Variants in ZNF770 observed in about 807,000 individuals in gnomAD.
The protein encoded by ZNF770 is zinc finger protein 770.
ZNF770 carries 13 observed loss-of-function variants against 44.8 expected under a neutral mutation model. The ratio of observed to expected loss-of-function variants is 0.29; its 90% CI spans 0.19 to 0.46. ZNF770 has a LOEUF of 0.46. Ranked by LOEUF, ZNF770 falls within the 20% of genes least tolerant of loss-of-function variation. The pLI, the probability that ZNF770 is intolerant of heterozygous loss-of-function variation, is 1.00. For missense variants in ZNF770, 681 were observed against 797.9 expected, an observed-to-expected ratio of 0.85 and a Z score of 1.77; for synonymous variants, 304 against 271.8, an observed-to-expected ratio of 1.12 and a Z score of -1.17.
intron 2 of ZNF770, among the ~76,000 whole-genome samples, chr15:34,984,329 A>G (rs141270879): frequency 3.3e-5 from 5 of 152,232 alleles, no homozygotes; most frequent in African/African-American, 4.8e-5. Context: ...GCGTTTCTCA[A>G]TAAGAGATAA....
At position 34,980,309 on chromosome 15, in the gene ZNF770, GAA is replaced by G. The variant is rs1207476016; in HGVS notation, c.*1048_*1049del. The G allele has an allele frequency of 6.6e-6, 1 of 152,200 alleles. No individual in the cohort carries two copies. The highest frequency in any genetic ancestry group is 2.1e-4 in the South Asian group (1 of 4,828). 9.4% of individuals were successfully genotyped at this position (152,200 alleles called of 1,614,324 possible). ...AAAAGGTAAAACTCATACGTATTAT[GAA>G]AAAGACTATGGCACTTAGAAAATAT... On this transcript the variant is annotated 3_prime_UTR_variant, in exon 3 of 3. Coordinates refer to ENST00000356321, the MANE Select transcript of ZNF770 (RefSeq NM_014106.4).
At chr15:34,986,770 G>GA (rs1422486219) in intron 2 of ZNF770, among the ~76,000 whole-genome samples, 1 of 152,238 alleles carries the variant, frequency 6.6e-6, no homozygotes, top group Non-Finnish European at 1.5e-5. Context: ...GTCTAGGAGT[G>GA]AAAGAAGCTG....
Position 34,986,970 on chromosome 15 carries a change from AGCTTG to A in ZNF770, c.-57+582_-57+586del, listed in dbSNP as rs531735714. ...CATATCGAGTATGGTGTGGGAGGACAGCTTGGCCCTTGAGGCCAGTCAGGCAAAGC... is the reference window on the plus strand; with the variant it reads ...CATATCGAGTATGGTGTGGGAGGACAGCCCTTGAGGCCAGTCAGGCAAAGC... On this transcript the variant is annotated intron_variant, in intron 2 of 2. Transcript: ENST00000356321. Among the ~76,000 whole-genome samples the A allele has an allele frequency of 5.6e-4, 85 of 152,394 alleles. No individual in the cohort carries two copies. In the Middle Eastern group the frequency reaches 0.01, roughly 18 times the overall value.
rs952810315 is a variant in ZNF770 at position 34,980,195 on chromosome 15, T to G, written c.*1164A>C. Reference sequence around the variant, plus strand: ...TTTACTAAAATAAATGTAAAAGTCTTATGGAGATGAAGATCTCTAGAATAG... The same window carrying G: ...TTTACTAAAATAAATGTAAAAGTCTGATGGAGATGAAGATCTCTAGAATAG... On this transcript the variant is annotated 3_prime_UTR_variant, in exon 3 of 3. Transcript: ENST00000356321. 2 of 152,346 alleles carry G rather than the reference T, an allele frequency of 1.3e-5. No individual in the cohort carries two copies. The allele number at this position is 152,346 out of a possible 1,614,324, so 9.4% of individuals were successfully genotyped here.
chr15:34,981,311 T>A lies in ZNF770; in HGVS notation c.*48A>T. 1 of 1,516,936 alleles carries A rather than the reference T, an allele frequency of 6.6e-7. No homozygotes were observed. Among genetic ancestry groups the A allele is most frequent in the South Asian group, 1.3e-5 (1 of 77,628 alleles). The allele number at this position is 1,516,936 out of a possible 1,614,324, so 94.0% of individuals were successfully genotyped here. A position where few individuals can be genotyped will look rare whatever the true frequency, so the allele number is the denominator to read the frequency against. On this transcript the variant is annotated 3_prime_UTR_variant, in exon 3 of 3. Coordinates refer to ENST00000356321, the MANE Select transcript of ZNF770 (RefSeq NM_014106.4). ...AAATGCATTTTAAATAATACAGGCT[T>A]TAAAAATAAGATCACCAGAGACCAC...
At chr15:34,984,776 T>C (rs1304141019) in intron 2 of ZNF770, among the ~76,000 whole-genome samples, 3 of 152,092 alleles carry the variant, frequency 2.0e-5, no homozygotes, top group Admixed American at 2.0e-4. Flanking sequence ...GAAACTTGAG[T>C]GTGCTTTGCC....
chr15:34,986,014 TAAA>T (rs1169958224), intron 2 of ZNF770, among the ~76,000 whole-genome samples: 2 of 151,580 alleles, frequency 1.3e-5, no homozygotes, highest in African/African-American at 4.8e-5. Context: ...TAGGAAGAAG[TAAA>T]AAAGTTTATG....
In ZNF770 at chr15:34,980,857, CAA is replaced by C. The variant is rs35830261; in HGVS notation, c.*500_*501del. 0.37 allele frequency: 47,686 copies of C among 129,342 alleles called. 8,263 individuals carry two copies. Among genetic ancestry groups the C allele is most frequent in the African/African-American group, 0.49 (19,177 of 38,866 alleles). 8.0% of individuals were successfully genotyped at this position (129,342 alleles called of 1,614,324 possible). On this transcript the variant is annotated 3_prime_UTR_variant, in exon 3 of 3. Transcript: ENST00000356321. ...GTGTCTCTGTAGTTTTTTTAACTTACAAAAAAAAAAAAAAAATTACCAATGCA... is the reference window on the plus strand; with the variant it reads ...GTGTCTCTGTAGTTTTTTTAACTTACAAAAAAAAAAAAAATTACCAATGCA...
In ZNF770 at chr15:34,982,957, G is replaced by C. The variant is rs751211312; in HGVS notation, c.478C>G (p.His160Asp). 2 of 1,613,872 alleles carry C rather than the reference G, an allele frequency of 1.2e-6. No individual in the cohort carries two copies. Among genetic ancestry groups the C allele is most frequent in the East Asian group, 2.2e-5 (1 of 44,862 alleles). ...MYSMKRRKNIHACTICGKMFP... is the reference protein window; with the variant it reads ...MYSMKRRKNIDACTICGKMFP... ...ATCTTGCCACAGATTGTACATGCAT[G>C]AATATTCTTTCTTCTTTTCATGCTA... The change falls in exon 3 of 3, where the codon CAT becomes GAT. Residue 160 changes from histidine to aspartate, a missense_variant. Around this residue, in one of 5 missense-constraint regions of ZNF770, gnomAD observed 432 missense variants for 434.1 expected, o/e 1.00. Coordinates refer to ENST00000356321, the MANE Select transcript of ZNF770 (RefSeq NM_014106.4).
In ZNF770 at chr15:34,981,739, C is replaced by A. The variant is rs1259840185; in HGVS notation, c.1696G>T (p.Val566Phe). Residue 566 changes from valine (V) to phenylalanine (F), a missense_variant, in exon 3 of 3, where the codon GTT becomes TTT. Physicochemically the swap from Val to Phe is conservative, Grantham distance 50 (BLOSUM62 -1). Transcript: ENST00000356321. ...GACTCTGAGACCTCGTATTTTTGAA[C>A]ACCAGGAGCCTGACATTGTTGGGAA... ...NASQQCQAPG[V>F]QKYEVSESDQ... 3 of 1,613,996 alleles carry A rather than the reference C, an allele frequency of 1.9e-6. No individual in the cohort carries two copies.
intron 2 of ZNF770, among the ~76,000 whole-genome samples, chr15:34,987,235 A>AT (rs762569711): frequency 2.6e-5 from 4 of 152,218 alleles, no homozygotes; most frequent in Non-Finnish European, 5.9e-5. Flanking sequence ...CTAAGATTGG[A>AT]TAACTGTTGT....
intron 2 of ZNF770, among the ~76,000 whole-genome samples, chr15:34,985,177 A>G (rs959129118): frequency 6.6e-6 from 1 of 151,632 alleles, no homozygotes; most frequent in African/African-American, 2.4e-5. Flanking sequence ...TTTCATAACT[A>G]TCTTATACTC....
At position 34,978,579 on chromosome 15, in the gene ZNF770, T is replaced by G. The variant is rs2050381666; in HGVS notation, c.*2780A>C. ...TTCTTCTAGTTCTCTTTAAAGATAT[T>G]TATCGTTTATTTTTTCATGAAACCA... On this transcript the variant is annotated 3_prime_UTR_variant, in exon 3 of 3. Coordinates refer to ENST00000356321, the MANE Select transcript of ZNF770 (RefSeq NM_014106.4). 1 of 152,198 alleles carries G rather than the reference T, an allele frequency of 6.6e-6. No homozygotes were observed. The highest frequency in any genetic ancestry group is 1.5e-5 in the Non-Finnish European group (1 of 68,044). The allele number at this position is 152,198 out of a possible 1,614,324, so 9.4% of individuals were successfully genotyped here. A position where few individuals can be genotyped will look rare whatever the true frequency, so the allele number is the denominator to read the frequency against.
In ZNF770 at chr15:34,981,585, T is replaced by C. The variant is rs918470326; in HGVS notation, c.1850A>G (p.Gln617Arg). Reference sequence around the variant, plus strand: ...GTACAGGAAGACATCATTTTTCTCCTGATGCTCTGAATAACTGCAAAAAGG... The same window carrying C: ...GTACAGGAAGACATCATTTTTCTCCCGATGCTCTGAATAACTGCAAAAAGG... ...SNPFCSYSEH[Q>R]EKNDVFLYRC... The change falls in exon 3 of 3, where the codon CAG (glutamine) becomes CGG (arginine). Residue 617 changes from glutamine (Q) to arginine (R), a missense_variant. By Grantham distance (43) the Gln-to-Arg change is conservative. Around this residue, in one of 5 missense-constraint regions of ZNF770, gnomAD observed 148 missense variants for 191.0 expected, o/e 0.77. Transcript: ENST00000356321. 1 of 1,614,214 alleles carries C rather than the reference T, an allele frequency of 6.2e-7. No homozygotes were observed. Among genetic ancestry groups the C allele is most frequent in the African/African-American group, 1.3e-5 (1 of 75,060 alleles).
rs369129044 is a variant in ZNF770 at position 34,979,712 on chromosome 15, C to T, written c.*1647G>A. 4.5e-6 allele frequency: 2 copies of T among 445,480 alleles called. No individual in the cohort carries two copies. The highest frequency in any genetic ancestry group is 3.2e-5 in the South Asian group (2 of 62,520). The allele number at this position is 445,480 out of a possible 1,614,324, so 27.6% of individuals were successfully genotyped here. A position where few individuals can be genotyped will look rare whatever the true frequency, so the allele number is the denominator to read the frequency against. ...TTCTCAGTTTATGATGCAAAACTTA[C>T]AATTGTTCATTTATCCACATTCTCA... On this transcript the variant is annotated 3_prime_UTR_variant, in exon 3 of 3. Transcript: ENST00000356321.
At position 34,982,443 on chromosome 15, in the gene ZNF770, T is replaced by C; in HGVS notation, c.992A>G (p.Asn331Ser). 1 of 1,613,962 alleles carries C rather than the reference T, an allele frequency of 6.2e-7. No homozygotes were observed. The change falls in exon 3 of 3, where the codon AAC becomes AGC. Residue 331 changes from asparagine (N) to serine (S), a missense_variant. Coordinates refer to ENST00000356321, the MANE Select transcript of ZNF770 (RefSeq NM_014106.4). ...KIPSRFKRSY[N>S]YKTIVKKILA... is the part of the protein sequence containing the mutation. ...GATTTTTTTAACAATGGTTTTATAG[T>C]TGTAGCTTCTTTTGAACCTGCTTGG... is the stretch of plus-strand genomic sequence containing the variant.
rs1294783309 is a variant in ZNF770, at chr15:34,978,360, T to C, written c.*2999A>G. The C allele has an allele frequency of 2.8e-5, 4 of 143,414 alleles. No homozygotes were observed. In the East Asian group the frequency reaches 8.1e-4, roughly 29 times the overall value. The allele number at this position is 143,414 out of a possible 1,614,324, so 8.9% of individuals were successfully genotyped here. ...CCAAACTGTGTAACTTGGAACTTTA[T>C]TTTTAAAGTATTCTGAAAATTTTCC... On this transcript the variant is annotated 3_prime_UTR_variant, in exon 3 of 3. Coordinates refer to ENST00000356321, the MANE Select transcript of ZNF770 (RefSeq NM_014106.4).
rs2050408907 is a variant in ZNF770, at chr15:34,982,443, T to A, written c.992A>T (p.Asn331Ile). The A allele has an allele frequency of 6.2e-7, 1 of 1,613,844 alleles. No individual in the cohort carries two copies. The highest frequency in any genetic ancestry group is 8.5e-7 in the Non-Finnish European group (1 of 1,179,924). Residue 331 changes from asparagine to isoleucine, a missense_variant, in exon 3 of 3, where the codon AAC (asparagine) becomes ATC (isoleucine). Coordinates refer to ENST00000356321, the MANE Select transcript of ZNF770 (RefSeq NM_014106.4). ...GATTTTTTTAACAATGGTTTTATAG[T>A]TGTAGCTTCTTTTGAACCTGCTTGG... ...KIPSRFKRSY[N>I]YKTIVKKILA...
chr15:34,981,641 A>G lies in ZNF770; in HGVS notation c.1794T>C (p.Pro598=). Residue 598 remains proline, a synonymous_variant, in exon 3 of 3, where the codon CCT becomes CCC. Transcript: ENST00000356321. ...TTTGCTCTGATTCCAAAAGTACATT[A>G]GGAAGACAGGGTTGCCCGGTGCTAC... is the stretch of plus-strand genomic sequence containing the variant. ...IPGSTGQPCL[P]NVLLESEQSN... 3 of 1,614,184 alleles carry G rather than the reference A, an allele frequency of 1.9e-6. No individual in the cohort carries two copies. The highest frequency in any genetic ancestry group is 1.3e-5 in the African/African-American group (1 of 75,062).
Sources: allele counts gnomAD v4.1 joint callset (sites outside exome capture counted in the v4.1 genomes callset), GRCh38; gene constraint gnomAD v4.1.1; regional missense constraint gnomAD v4.1.1; transcripts MANE v1.5; gene names NCBI Gene and HGNC (gene_info 2026-07-23, HGNC 2026-07-21).